Variants in PLEKHA7 observed in about 807,000 individuals in gnomAD.
PLEKHA7 encodes the protein pleckstrin homology domain-containing family A member 7.
PLEKHA7 carries 104 observed loss-of-function variants against 170.0 expected under a neutral mutation model. The ratio of observed to expected loss-of-function variants is 0.61; its 90% confidence interval spans 0.52 to 0.72. The LOEUF (loss-of-function observed/expected upper bound fraction) is 0.72. Ranked by LOEUF, PLEKHA7 falls within the 30% of genes least tolerant of loss-of-function variation. The probability of loss-of-function intolerance (pLI) is 0.00; values close to 1 mark genes in which losing one functional copy is unlikely to be tolerated. For missense variants in PLEKHA7, 1,615 were observed against 1,671.7 expected (o/e 0.97, Z 0.59); for synonymous variants, 648 against 660.8 (o/e 0.98, Z 0.30).
intron 3 of PLEKHA7, among the ~76,000 whole-genome samples, chr11:16,906,612 TTCAC>T: frequency 1.4e-5 from 2 of 138,798 alleles, no homozygotes; most frequent in Middle Eastern, 7.1e-3. Flanking sequence ...CGGAGTCGCG[TTCAC>T]TCACTCAGTG....
chr11:16,857,059 A>T (rs1454705235), intron 4 of PLEKHA7, among the ~76,000 whole-genome samples: 1 of 152,242 alleles, frequency 6.6e-6, no homozygotes. Context: ...ACACTTTTAG[A>T]GTGATACAAT....
At chr11:16,799,940 C>T (rs1848476516) in intron 17 of PLEKHA7, among the ~76,000 whole-genome samples, 2 of 152,182 alleles carry the variant, frequency 1.3e-5, no homozygotes, top group Admixed American at 6.5e-5. Flanking sequence ...TTGGAAAAGC[C>T]TCAGGGCCCA....
intron 3 of PLEKHA7, among the ~76,000 whole-genome samples, chr11:16,978,862 A>T (rs1444085863): frequency 1.3e-5 from 2 of 152,204 alleles, no homozygotes; most frequent in South Asian, 2.1e-4. Flanking sequence ...ACATATAAAC[A>T]CACACAAGTA....
intron 13 of PLEKHA7, among the ~76,000 whole-genome samples, chr11:16,804,754 C>T (rs76698002): frequency 0.027 from 4,067 of 152,224 alleles, 79 homozygotes; most frequent in Middle Eastern, 0.099. Context: ...GTTGAGTTCC[C>T]GGAAAAAATA....
rs994820319 is a variant in PLEKHA7 at position 16,782,800 on chromosome 11, G to C, written c.3747C>G (p.Ser1249=). ...GGGAGGCCTCGGAGGCCAGGGCGTA[G>C]GAGATGTTGATGATGCGCTCCTGCT... ...LQEQERIINI[S]YALASEASQR... The change falls in exon 26 of 27, where the codon TCC becomes TCG. Residue 1249 remains serine, a synonymous_variant. Transcript: ENST00000531066. The C allele has an allele frequency of 3.9e-6, 6 of 1,536,046 alleles. No homozygotes were observed. The Admixed American group carries it at 1.2e-4, about 30-fold the overall frequency.
Position 16,871,185 on chromosome 11 carries a change from A to G in PLEKHA7, c.222-3T>C. 1.3e-6 allele frequency: 2 copies of G among 1,596,970 alleles called. No homozygotes were observed. The highest frequency in any genetic ancestry group is 8.6e-7 in the Non-Finnish European group (1 of 1,164,776). On this transcript the variant is annotated splice_polypyrimidine_tract_variant and splice_region_variant and intron_variant, in intron 3 of 26. Coordinates refer to ENST00000531066, the MANE Select transcript of PLEKHA7 (RefSeq NM_001329630.2). Reference sequence around the variant, plus strand: ...ATGCTGTGGTCTGCTGGTTATGGCTAAAGAGAAAGAGAGAAGATGGATGAG... The same window carrying G: ...ATGCTGTGGTCTGCTGGTTATGGCTGAAGAGAAAGAGAGAAGATGGATGAG...
At chr11:16,896,174 C>A (rs547285796) in intron 3 of PLEKHA7, among the ~76,000 whole-genome samples, 1 of 152,228 alleles carries the variant, frequency 6.6e-6, no homozygotes, top group Admixed American at 6.5e-5. Context: ...TTAGACACTT[C>A]TTCCAAGATG....
intron 3 of PLEKHA7, among the ~76,000 whole-genome samples, chr11:16,995,939 A>C (rs577619751): frequency 7.9e-5 from 12 of 152,300 alleles, no homozygotes; most frequent in African/African-American, 2.9e-4. Context: ...GAAAATGCCC[A>C]AAACTGAGAA....
At chr11:16,865,398 T>G (rs1370203401) in intron 4 of PLEKHA7, among the ~76,000 whole-genome samples, 7 of 152,090 alleles carry the variant, frequency 4.6e-5, no homozygotes, top group Admixed American at 3.9e-4. Context: ...AACAAAAAAC[T>G]GGGTAGCATA....
intron 3 of PLEKHA7, among the ~76,000 whole-genome samples, chr11:16,961,065 G>T (rs920171850): frequency 2.0e-5 from 3 of 152,198 alleles, no homozygotes; most frequent in Admixed American, 6.5e-5. Flanking sequence ...GGGGGTCTCT[G>T]TCTAAAAAGC....
At chr11:16,985,440 G>A (rs1369574187) in intron 3 of PLEKHA7, among the ~76,000 whole-genome samples, 1 of 151,908 alleles carries the variant, frequency 6.6e-6, no homozygotes, top group Non-Finnish European at 1.5e-5. Flanking sequence ...AACAATGTGA[G>A]AGAGATGTAG....
intron 3 of PLEKHA7, among the ~76,000 whole-genome samples, chr11:16,979,416 G>C (rs890455477): frequency 3.1e-5 from 4 of 128,696 alleles, no homozygotes; most frequent in Non-Finnish European, 5.2e-5. Flanking sequence ...CCACCTTCAG[G>C]GTAAGACATT....
At chr11:17,013,838 G>A (rs1865476698) in intron 3 of PLEKHA7, 151 bp downstream of exon 3, 1 of 951,614 alleles carries the variant, frequency 1.1e-6, no homozygotes, top group East Asian at 3.4e-5. Flanking sequence ...AAACAACTTG[G>A]GCACACAAAA....
chr11:16,989,498 T>C (rs905112525), intron 3 of PLEKHA7, among the ~76,000 whole-genome samples: 1 of 152,228 alleles, frequency 6.6e-6, no homozygotes, highest in Non-Finnish European at 1.5e-5. Flanking sequence ...GTGGCTGGGT[T>C]AGGATGACAT....
intron 4 of PLEKHA7, among the ~76,000 whole-genome samples, chr11:16,858,103 A>C (rs1853619796): frequency 6.6e-6 from 1 of 152,222 alleles, no homozygotes; most frequent in East Asian, 1.9e-4. Context: ...ACAAGAAAAA[A>C]CTGAGAGAAA....
chr11:16,804,337 C>T (rs905545428), intron 13 of PLEKHA7, among the ~76,000 whole-genome samples: 5 of 152,100 alleles, frequency 3.3e-5, no homozygotes, highest in Non-Finnish European at 7.4e-5. Flanking sequence ...CAATGTGGAC[C>T]GATAGCTGCT....
At chr11:16,951,687 G>A (rs1283982707) in intron 3 of PLEKHA7, among the ~76,000 whole-genome samples, 1 of 152,192 alleles carries the variant, frequency 6.6e-6, no homozygotes, top group Non-Finnish European at 1.5e-5. Context: ...AAAGGAGATG[G>A]TTAGAGACAT....
chr11:16,957,689 A>ATATTTTTTTTTTTTTTTTTTTTTTTTT (rs1420004461), intron 3 of PLEKHA7, among the ~76,000 whole-genome samples: 3 of 118,226 alleles, frequency 2.5e-5, no homozygotes. Context: ...TACCTCAATA[A>ATATTTTTTTTTTTTTTTTTTTTTTTTT]TTTTTTTCTT....
intron 9 of PLEKHA7, 52 bp downstream of exon 9, chr11:16,841,495 C>T (rs1195880563): frequency 2.5e-6 from 4 of 1,574,398 alleles, no homozygotes; most frequent in Non-Finnish European, 3.5e-6. Context: ...CTATCTGGGT[C>T]CCAATCCTAG....
Sources: gnomAD v4.1 joint callset for allele counts (sites outside exome capture counted in the v4.1 genomes callset) on GRCh38, gnomAD v4.1.1 for gene constraint, MANE v1.5 for transcripts, NCBI Gene and HGNC (gene_info 2026-07-23, HGNC 2026-07-21) for gene names.